Variants in RNF135 observed in about 807,000 individuals in gnomAD.
RNF135 encodes the protein E3 ubiquitin-protein ligase RNF135.
Under a neutral mutation model 41.9 loss-of-function variants are expected in RNF135, and 46 were observed. The ratio of observed to expected loss-of-function variants is 1.10; its 90% CI spans 0.87 to 1.40. The LOEUF is 1.40. Ranked by LOEUF, RNF135 falls within the 40% of genes most tolerant of loss-of-function variation. RNF135 has a pLI of 0.00. For missense variants in RNF135, 539 were observed against 549.8 expected (o/e 0.98, Z 0.20); for synonymous variants, 238 against 223.8 (o/e 1.06, Z -0.57).
the RNF135 span, among the ~76,000 whole-genome samples, chr17:30,962,102 C>T: frequency 1.3e-5 from 2 of 151,942 alleles, no homozygotes; most frequent in African/African-American, 4.8e-5. Flanking sequence ...TCAAAATCCT[C>T]TTTCTCCTTT....
chr17:30,979,813 C>G (rs1471630287), intron 1 of RNF135, among the ~76,000 whole-genome samples: 1 of 121,064 alleles, frequency 8.3e-6, no homozygotes, highest in Non-Finnish European at 1.8e-5. Context: ...GGGGGGCTGA[C>G]CCCCCCACCT....
In RNF135 at chr17:30,994,526, G is replaced by A. The variant is rs117666964; in HGVS notation, c.680-2716G>A. On this transcript the variant is annotated intron_variant, in intron 3 of 4. Coordinates refer to ENST00000328381, the MANE Select transcript of RNF135 (RefSeq NM_032322.4). ...AATCAGGCCACTGCACTCCAGCCTC[G>A]GCAACAACAACAAAAAAAGTAGCAG... 7.2e-5 allele frequency among the ~76,000 whole-genome samples: 11 copies of A among 152,030 alleles called. No homozygotes were observed. The East Asian group carries it at 2.1e-3, about 29-fold the overall frequency.
In RNF135 at chr17:30,988,407, C is replaced by A. The variant is rs137907953; in HGVS notation, c.679+301C>A. ...CTTACTGCAGAGATTCTGAAATAGG[C>A]CACTTTTAATTTTTTTTTTTTTTTT... On this transcript the variant is annotated intron_variant, in intron 3 of 4. Transcript: ENST00000328381. Among the ~76,000 whole-genome samples the A allele has an allele frequency of 0.011, 1,641 of 149,590 alleles. 22 individuals are homozygous for A. The highest frequency in any genetic ancestry group is 0.017 in the Non-Finnish European group (1,172 of 67,552).
intron 1 of RNF135, among the ~76,000 whole-genome samples, chr17:30,974,754 A>G (rs1567737287): frequency 6.6e-6 from 1 of 151,792 alleles, no homozygotes; most frequent in African/African-American, 2.4e-5. Context: ...ATCTTGGCTC[A>G]CTGCAACCTC....
In RNF135 at chr17:30,993,530, T is replaced by C. The variant is rs549819602; in HGVS notation, c.680-3712T>C. Among the ~76,000 whole-genome samples, 63 of 152,216 alleles carry C rather than the reference T, an allele frequency of 4.1e-4. 1 individual carries two copies. The highest frequency in any genetic ancestry group is 2.4e-4 in the Non-Finnish European group (16 of 68,012). On this transcript the variant is annotated intron_variant, in intron 3 of 4. Transcript: ENST00000328381. ...CCTAGTGAATTTTAAGTAAGATTTGTGTAGTGCCACTTTAGAGACATATCT... is the reference window on the plus strand; with the variant it reads ...CCTAGTGAATTTTAAGTAAGATTTGCGTAGTGCCACTTTAGAGACATATCT...
chr17:30,988,755 C>CTT (rs566490842), intron 3 of RNF135, among the ~76,000 whole-genome samples: 2 of 127,300 alleles, frequency 1.6e-5, no homozygotes, highest in Non-Finnish European at 1.7e-5. Context: ...ATGTCTTCTT[C>CTT]TTTTTTTTTT....
chr17:30,967,411 GTTATT>G (rs1905593685), upstream of RNF135, among the ~76,000 whole-genome samples: 2 of 152,020 alleles, frequency 1.3e-5, no homozygotes, highest in African/African-American at 4.8e-5. Flanking sequence ...GTCTTTAAAA[GTTATT>G]TTATTTATAT....
Position 30,998,680 on chromosome 17 carries a change from T to C in RNF135, c.788T>C (p.Phe263Ser). 2 of 1,614,086 alleles carry C rather than the reference T, an allele frequency of 1.2e-6. No individual in the cohort carries two copies. The highest frequency in any genetic ancestry group is 1.7e-6 in the Non-Finnish European group (2 of 1,179,998). Reference sequence around the variant, plus strand: ...TCCAAAGGGGCCATCCATCCAACCTTTAACTTGAAGAGCCTTTCCTGCAGC... The same window carrying C: ...TCCAAAGGGGCCATCCATCCAACCTCTAACTTGAAGAGCCTTTCCTGCAGC... ...RFAQWAIHPTFNLKSLSCSLE... is the reference protein window; with the variant it reads ...RFAQWAIHPTSNLKSLSCSLE... Residue 263 changes from phenylalanine to serine, a missense_variant, in exon 5 of 5, where the codon TTT (phenylalanine) becomes TCT (serine). Around this residue, in one of 2 missense-constraint regions of RNF135, gnomAD observed 262 missense variants for 336.9 expected, o/e 0.78. Transcript: ENST00000328381.
intron 1 of RNF135, among the ~76,000 whole-genome samples, chr17:30,983,353 A>ATTTTT (rs1192298651): frequency 8.4e-4 from 30 of 35,706 alleles, no homozygotes; most frequent in Non-Finnish European, 1.3e-3. Context: ...ATATATATAT[A>ATTTTT]TTTTTTTTTT....
intron 3 of RNF135, 35 bp downstream of exon 3, chr17:30,988,141 T>C (rs1269046555): frequency 6.2e-7 from 1 of 1,606,520 alleles, no homozygotes; most frequent in Non-Finnish European, 8.5e-7. Context: ...GAGGATTAAA[T>C]ATGGAAGTTG....
intron 1 of RNF135, among the ~76,000 whole-genome samples, chr17:30,981,349 GGAGGGAGAGGGA>G (rs60373333): frequency 2.0e-5 from 3 of 149,534 alleles, no homozygotes; most frequent in African/African-American, 7.5e-5. Context: ...GGGAGACCGT[GGAGGGAGAGGGA>G]GAGGGAGAGG....
At chr17:30,965,431 A>G in the RNF135 span, 2 of 152,112 alleles carry the variant, frequency 1.3e-5, no homozygotes, top group Non-Finnish European at 2.9e-5. Context: ...TACATAACAT[A>G]AAAGCACCTT....
Position 30,999,192 on chromosome 17 carries a change from G to A in RNF135, c.*1G>A. 4 of 1,612,288 alleles carry A rather than the reference G, an allele frequency of 2.5e-6. No homozygotes were observed. Among genetic ancestry groups the A allele is most frequent in the Non-Finnish European group, 3.4e-6 (4 of 1,179,982 alleles). On this transcript the variant is annotated 3_prime_UTR_variant, in exon 5 of 5. Transcript: ENST00000328381. ...GATAATAAAGCAAGTAAAGGTGTAA[G>A]GTTTCCTAAGGGATTACAACACAGT...
At chr17:30,963,446 G>A in the RNF135 span, among the ~76,000 whole-genome samples, 2 of 151,902 alleles carry the variant, frequency 1.3e-5, no homozygotes, top group African/African-American at 4.8e-5. Flanking sequence ...GCCGGGTGTG[G>A]TTGTAGTCCC....
upstream of RNF135, among the ~76,000 whole-genome samples, chr17:30,969,728 CT>C (rs951794107): frequency 2.6e-4 from 39 of 147,996 alleles, no homozygotes; most frequent in Non-Finnish European, 3.8e-4. Context: ...ACCACAAACG[CT>C]TTTTTTTCTT....
rs1307575186 is a variant in RNF135, at chr17:30,997,272, C to T, written c.710C>T (p.Ser237Leu). 3 of 1,614,136 alleles carry T rather than the reference C, an allele frequency of 1.9e-6. No homozygotes were observed. The highest frequency in any genetic ancestry group is 1.6e-4 in the Middle Eastern group (1 of 6,062). Residue 237 changes from serine (S) to leucine (L), a missense_variant, in exon 4 of 5, where the codon TCA becomes TTA. Transcript: ENST00000328381. The part of the protein sequence containing the change: ...GELLEAPSSS[S>L]CPLPDQSHPA... ...CTCCTGGAAGCCCCGTCTTCCTCCT[C>T]ATGCCCATTGCCTGACCAGAGCCAC...
intron 1 of RNF135, chr17:30,975,949 T>C (rs2142668806): frequency 2.0e-6 from 1 of 501,508 alleles, no homozygotes; most frequent in Non-Finnish European, 3.7e-6. Context: ...CTCTACAAAG[T>C]TGAGAGATGA....
intron 1 of RNF135, among the ~76,000 whole-genome samples, chr17:30,977,816 G>A (rs554055635): frequency 3.9e-5 from 6 of 152,134 alleles, no homozygotes; most frequent in East Asian, 3.9e-4. Context: ...TGATCCACCC[G>A]CCGTGGCCTC....
At position 30,987,959 on chromosome 17, in the gene RNF135, G is replaced by A. The variant is rs1160373769; in HGVS notation, c.532G>A (p.Val178Met). ...SILGKAFSSG[V>M]DLSMASPKLV... ...TTATCAATAGGCTTTTTCTTCTGGG[G>A]TGGATCTTTCCATGGCTTCTCCAAA... The change falls in exon 3 of 5, where the codon GTG becomes ATG. Residue 178 changes from valine to methionine, a missense_variant. Physicochemically the swap from Val to Met is conservative, Grantham distance 21. Coordinates refer to ENST00000328381, the MANE Select transcript of RNF135 (RefSeq NM_032322.4). The A allele has an allele frequency of 4.3e-6, 7 of 1,614,038 alleles. No individual in the cohort carries two copies. Among genetic ancestry groups the A allele is most frequent in the Non-Finnish European group, 5.1e-6 (6 of 1,179,982 alleles).
Sources: gnomAD v4.1 joint callset for allele counts (sites outside exome capture counted in the v4.1 genomes callset) on GRCh38, gnomAD v4.1.1 for gene constraint, gnomAD v4.1.1 regional missense constraint, MANE v1.5 for transcripts, NCBI Gene and HGNC (gene_info 2026-07-23, HGNC 2026-07-21) for gene names.